TRPM3: variants seen among roughly 807,000 people sequenced by gnomAD.
TRPM3 encodes transient receptor potential cation channel subfamily M member 3.
Under a neutral mutation model 181.2 loss-of-function variants are expected in TRPM3, and 77 were observed. The ratio of observed to expected loss-of-function variants is 0.42; its 90% CI spans 0.35 to 0.51. The LOEUF (loss-of-function observed/expected upper bound fraction) is 0.51. Among genes scored for constraint, TRPM3 ranks in the 20% least tolerant of loss-of-function variants. The probability of loss-of-function intolerance (pLI) is 0.01; values close to 1 mark genes in which losing one functional copy is unlikely to be tolerated. For synonymous variants in TRPM3, 745 were observed against 796.4 expected, an observed-to-expected ratio of 0.94 and a Z score of 1.09; for missense variants, 1,759 against 2,196.7, an observed-to-expected ratio of 0.80 and a Z score of 3.98.
intron 1 of TRPM3, among the ~76,000 whole-genome samples, chr9:71,249,262 C>G (rs2082203214): frequency 6.6e-6 from 1 of 152,032 alleles, no homozygotes; most frequent in South Asian, 2.1e-4. Flanking sequence ...AAATTACTAG[C>G]CCTTAAGAAA....
chr9:71,059,011 A>ATTTTTTTTTTTTTTTT lies in TRPM3; in HGVS notation c.177+62151_177+62166dup, dbSNP rs1162577364. Among the ~76,000 whole-genome samples, 68 of 52,640 alleles carry ATTTTTTTTTTTTTTTT rather than the reference A, an allele frequency of 1.3e-3. 13 individuals carry two copies. The highest frequency in any genetic ancestry group is 1.5e-3 in the Non-Finnish European group (49 of 31,714). 34.5% of individuals were successfully genotyped at this position (52,640 alleles called of 152,430 possible). A position where few individuals can be genotyped will look rare whatever the true frequency, so the allele number is the denominator to read the frequency against. On this transcript the variant is annotated intron_variant, in intron 1 of 25. Coordinates refer to ENST00000677713, the MANE Select transcript of TRPM3 (RefSeq NM_001366145.2). ...ATTTCTCTGAAGTTTTTGTTTGTTC[A>ATTTTTTTTTTTTTTTT]TTTTTTTTTTTTTTTTTTTTTTTTT...
chr9:71,176,998 C>G (rs915796817), intron 1 of TRPM3, among the ~76,000 whole-genome samples: 5 of 152,028 alleles, frequency 3.3e-5, no homozygotes, highest in Non-Finnish European at 5.9e-5. Context: ...TGCAAGAGAG[C>G]GAAGCTTCAT....
chr9:71,314,984 GT>G (rs1237778509), intron 1 of TRPM3, among the ~76,000 whole-genome samples: 1 of 152,106 alleles, frequency 6.6e-6, no homozygotes, highest in Non-Finnish European at 1.5e-5. Context: ...TATGTAGAAT[GT>G]TTGATCTTGT....
chr9:71,368,222 A>G (rs983678700), intron 1 of TRPM3, among the ~76,000 whole-genome samples: 3 of 152,194 alleles, frequency 2.0e-5, no homozygotes, highest in African/African-American at 7.2e-5. Flanking sequence ...GATTGTGAGT[A>G]AAACTGTAGA....
intron 25 of TRPM3, among the ~76,000 whole-genome samples, chr9:70,543,367 T>A (rs2131689051): frequency 6.6e-6 from 1 of 152,338 alleles, no homozygotes; most frequent in African/African-American, 2.4e-5. Context: ...CATTCTTTAT[T>A]TAAAAATATA....
chr9:70,970,829 C>A (rs1305423382), intron 1 of TRPM3, among the ~76,000 whole-genome samples: 2 of 152,150 alleles, frequency 1.3e-5, no homozygotes, highest in Admixed American at 6.5e-5. Flanking sequence ...GCTGAGTGGT[C>A]TCCCCAAAAG....
intron 1 of TRPM3, among the ~76,000 whole-genome samples, chr9:71,434,407 T>A (rs2094002233): frequency 6.6e-6 from 1 of 152,096 alleles, no homozygotes; most frequent in East Asian, 1.9e-4. Flanking sequence ...TCACCAATCA[T>A]CAAATCTGCC....
At chr9:71,163,452 G>A (rs751344062) in intron 1 of TRPM3, among the ~76,000 whole-genome samples, 2 of 152,072 alleles carry the variant, frequency 1.3e-5, no homozygotes, top group African/African-American at 2.4e-5. Flanking sequence ...GTCATGCTTT[G>A]GTATACTGAG....
chr9:71,227,159 G>T (rs926219694), intron 1 of TRPM3, among the ~76,000 whole-genome samples: 2 of 146,190 alleles, frequency 1.4e-5, no homozygotes, highest in African/African-American at 5.0e-5. Context: ...TAACTTCTCT[G>T]ACCATAATGG....
At chr9:70,549,778 A>G in intron 24 of TRPM3, 104 bp from the exon 25 acceptor site, 4 of 1,210,946 alleles carry the variant, frequency 3.3e-6, no homozygotes, top group East Asian at 2.7e-5. Flanking sequence ...AGGTGGGAAA[A>G]GGGGCCTAGA....
intron 6 of TRPM3, among the ~76,000 whole-genome samples, chr9:70,795,439 T>A (rs1415369560): frequency 1.3e-5 from 2 of 152,236 alleles, no homozygotes; most frequent in African/African-American, 4.8e-5. Context: ...AATGAATGCA[T>A]TTTACACATT....
intron 22 of TRPM3, among the ~76,000 whole-genome samples, chr9:70,587,383 C>A (rs558046962): frequency 6.6e-6 from 1 of 152,304 alleles, no homozygotes. Context: ...ATACAGCCAG[C>A]AGCACATGGA....
At chr9:71,368,037 T>C (rs1639394715) in intron 1 of TRPM3, among the ~76,000 whole-genome samples, 1 of 152,144 alleles carries the variant, frequency 6.6e-6, no homozygotes, top group Admixed American at 6.5e-5. Context: ...CATATGAGTA[T>C]GTGTACACAC....
intron 2 of TRPM3, among the ~76,000 whole-genome samples, chr9:70,863,371 TC>T (rs1439526407): frequency 6.6e-6 from 1 of 152,152 alleles, no homozygotes; most frequent in East Asian, 1.9e-4. Context: ...TCCGTCCACC[TC>T]TTTTGTACCT....
intron 25 of TRPM3, among the ~76,000 whole-genome samples, chr9:70,539,122 C>A (rs1207826407): frequency 6.6e-6 from 1 of 152,200 alleles, no homozygotes; most frequent in Non-Finnish European, 1.5e-5. Flanking sequence ...TGCAGGAAGA[C>A]CATGGCTACA....
chr9:71,378,714 A>G (rs918357361), intron 1 of TRPM3, among the ~76,000 whole-genome samples: 6 of 152,080 alleles, frequency 3.9e-5, no homozygotes, highest in African/African-American at 1.4e-4. Context: ...ATTTTGAACA[A>G]TGCCTTTGAG....
At chr9:71,027,436 C>T (rs589033) in intron 1 of TRPM3, among the ~76,000 whole-genome samples, 138,461 of 152,298 alleles carry the variant, frequency 0.91, 63,036 homozygotes, top group East Asian at 1. Flanking sequence ...ACACTAGTTC[C>T]CCAGCAAGGG....
At chr9:71,018,452 T>C (rs997377878) in intron 1 of TRPM3, among the ~76,000 whole-genome samples, 1 of 151,636 alleles carries the variant, frequency 6.6e-6, no homozygotes, top group African/African-American at 2.4e-5. Flanking sequence ...ACAGAAAAGT[T>C]GCAAAAAACC....
chr9:70,646,777 A>G (rs1300908937), intron 9 of TRPM3, among the ~76,000 whole-genome samples: 1 of 152,000 alleles, frequency 6.6e-6, no homozygotes, highest in African/African-American at 2.4e-5. Context: ...TAAGATTGAT[A>G]GACCACTAGC....
Sources: allele counts gnomAD v4.1 joint callset (sites outside exome capture counted in the v4.1 genomes callset), GRCh38; gene constraint gnomAD v4.1.1; transcripts MANE v1.5; gene names NCBI Gene and HGNC (gene_info 2026-07-23, HGNC 2026-07-21).